Variants in RFC3 observed in about 807,000 individuals in gnomAD.
RFC3 encodes A1 38 kDa subunit.
A neutral mutation model predicts 45.1 loss-of-function variants in RFC3; 41 were observed. The observed-to-expected ratio is 0.91, with a 90% CI of 0.71 to 1.18. The LOEUF is 1.18. Ranked by LOEUF, RFC3 falls within the 50% of genes most tolerant of loss-of-function variation. The pLI is 0.00. For synonymous variants in RFC3, 149 were observed against 144.0 expected (o/e 1.03, Z -0.25); for missense variants, 423 against 428.1 (o/e 0.99, Z 0.10).
In RFC3 at chr13:33,883,998, C is replaced by A. The variant is rs181959502; in HGVS notation, c.879+48781C>A. 1.4e-4 allele frequency among the ~76,000 whole-genome samples: 21 copies of A among 152,216 alleles called. No individual in the cohort carries two copies. In the East Asian group the frequency reaches 4.0e-3, roughly 29 times the overall value. Reference sequence around the variant, plus strand: ...TCTGGGGTTTGTCACCAATGTGTAGCCTTTGAATAATCTCTGAATATTCAG... The same window carrying A: ...TCTGGGGTTTGTCACCAATGTGTAGACTTTGAATAATCTCTGAATATTCAG... On this transcript the variant is annotated intron_variant, in intron 8 of 8. Transcript: ENST00000434425.
chr13:33,909,599 C>T (rs750452164), intron 8 of RFC3, among the ~76,000 whole-genome samples: 60 of 152,158 alleles, frequency 3.9e-4, no homozygotes, highest in African/African-American at 1.3e-3. Context: ...TCTTTCTGCT[C>T]TTCCTGCTCT....
chr13:33,890,132 G>A (rs1490395207), intron 8 of RFC3, among the ~76,000 whole-genome samples: 1 of 152,138 alleles, frequency 6.6e-6, no homozygotes, highest in Non-Finnish European at 1.5e-5. Flanking sequence ...AGTCTCCGAG[G>A]GTGTTGAGGT....
At chr13:33,928,835 G>A (rs535116390) in intron 8 of RFC3, among the ~76,000 whole-genome samples, 4 of 124,642 alleles carry the variant, frequency 3.2e-5, no homozygotes, top group Non-Finnish European at 1.6e-5. Context: ...ACCAATGTCT[G>A]GGGGGGGAAG....
chr13:33,864,663 G>T (rs1343033252), intron 8 of RFC3, among the ~76,000 whole-genome samples: 1 of 152,120 alleles, frequency 6.6e-6, no homozygotes, highest in African/African-American at 2.4e-5. Context: ...ATCACCAGTA[G>T]TCTCGAGTTT....
At chr13:33,837,969 A>G (rs1593625242), downstream of RFC3, among the ~76,000 whole-genome samples, 1 of 151,860 alleles carries the variant, frequency 6.6e-6, no homozygotes, top group Non-Finnish European at 1.5e-5. Context: ...ATTACTTGGA[A>G]TTGTGTTGTT....
the RFC3 span, among the ~76,000 whole-genome samples, chr13:33,974,009 T>G: frequency 6.6e-6 from 1 of 152,132 alleles, no homozygotes; most frequent in African/African-American, 2.4e-5. Context: ...TTCTTTCCCA[T>G]AGGCCATGTG....
intron 8 of RFC3, among the ~76,000 whole-genome samples, chr13:33,854,486 C>T (rs1260872749): frequency 1.3e-5 from 2 of 152,156 alleles, no homozygotes; most frequent in African/African-American, 2.4e-5. Flanking sequence ...TCAGAAGCAA[C>T]AAAACTGCTT....
At chr13:33,890,914 T>C (rs1337419358) in intron 8 of RFC3, among the ~76,000 whole-genome samples, 1 of 152,204 alleles carries the variant, frequency 6.6e-6, no homozygotes, top group Admixed American at 6.5e-5. Context: ...AAAATTAACC[T>C]AATTTTTAAA....
chr13:33,944,919 T>G (rs778818794), intron 8 of RFC3, among the ~76,000 whole-genome samples: 4 of 152,158 alleles, frequency 2.6e-5, no homozygotes, highest in Non-Finnish European at 5.9e-5. Flanking sequence ...AAGACTTAAC[T>G]CAGCATCTCA....
downstream of RFC3, among the ~76,000 whole-genome samples, chr13:33,841,843 G>A (rs2082201186): frequency 6.6e-6 from 1 of 152,146 alleles, no homozygotes; most frequent in Non-Finnish European, 1.5e-5. Context: ...GGTCTCTACT[G>A]CATGTCCTGG....
chr13:33,849,286 A>T (rs2082260949), intron 8 of RFC3: 1 of 152,386 alleles, frequency 6.6e-6, no homozygotes, highest in Non-Finnish European at 1.5e-5. Flanking sequence ...AGATGAGGTG[A>T]GAACATTGAG....
At chr13:33,833,369 TAA>T (rs530123262) in intron 7 of RFC3, among the ~76,000 whole-genome samples, 3 of 148,282 alleles carry the variant, frequency 2.0e-5, no homozygotes, top group Non-Finnish European at 4.5e-5. Context: ...CTTTTTAGAT[TAA>T]AAAAAAAACC....
intron 8 of RFC3, among the ~76,000 whole-genome samples, chr13:33,934,239 G>A (rs1370222117): frequency 1.3e-5 from 2 of 151,906 alleles, no homozygotes; most frequent in African/African-American, 4.8e-5. Context: ...AGTCTGAGGT[G>A]GGAGGATGGC....
At chr13:33,975,431 A>G in the RFC3 span, among the ~76,000 whole-genome samples, 5 of 152,332 alleles carry the variant, frequency 3.3e-5, no homozygotes, top group South Asian at 1.0e-3. Context: ...ATTTTTTTAG[A>G]CTGGTAAAAC....
intron 8 of RFC3, among the ~76,000 whole-genome samples, chr13:33,902,595 A>G (rs1471577012): frequency 1.3e-5 from 2 of 152,120 alleles, no homozygotes; most frequent in Admixed American, 6.6e-5. Context: ...TTAGTTGCAT[A>G]TAATGTTAAG....
chr13:33,899,255 T>G (rs981703742), intron 8 of RFC3, among the ~76,000 whole-genome samples: 5 of 134,308 alleles, frequency 3.7e-5, no homozygotes, highest in Middle Eastern at 3.9e-3. Context: ...CCAATATCCC[T>G]GATGAACATA....
At chr13:33,943,409 C>T (rs1200386675) in intron 8 of RFC3, among the ~76,000 whole-genome samples, 1 of 152,158 alleles carries the variant, frequency 6.6e-6, no homozygotes, top group African/African-American at 2.4e-5. Context: ...CTCACATTTA[C>T]ATGGTCAGGA....
chr13:33,847,345 G>A (rs924170936), intron 8 of RFC3: 7 of 152,106 alleles, frequency 4.6e-5, no homozygotes, highest in Non-Finnish European at 1.5e-5. Context: ...TCACTCATCT[G>A]ATTTCTTGTT....
At chr13:33,824,443 A>G (rs557182805) in intron 3 of RFC3, among the ~76,000 whole-genome samples, 1 of 152,296 alleles carries the variant, frequency 6.6e-6, no homozygotes, top group Admixed American at 6.5e-5. Flanking sequence ...TTTATTCTCT[A>G]TATCATGCAG....
Sources: gnomAD v4.1 joint callset for allele counts (sites outside exome capture counted in the v4.1 genomes callset) on GRCh38, gnomAD v4.1.1 for gene constraint, MANE v1.5 for transcripts, NCBI Gene and HGNC (gene_info 2026-07-23, HGNC 2026-07-21) for gene names.